KCNC2: variants seen among roughly 807,000 people sequenced by gnomAD.
The protein encoded by KCNC2 is voltage-gated potassium channel KCNC2.
Under a neutral mutation model 44.5 loss-of-function variants are expected in KCNC2, and 21 were observed. The ratio of observed to expected loss-of-function variants is 0.47; its 90% CI spans 0.33 to 0.68. KCNC2 has a LOEUF of 0.68. Ranked by LOEUF, KCNC2 falls within the 30% of genes least tolerant of loss-of-function variation. KCNC2 has a pLI of 0.01. For synonymous variants in KCNC2, 391 were observed against 339.1 expected (o/e 1.15, Z -1.68); for missense variants, 589 against 826.2 (o/e 0.71, Z 3.52).
chr12:75,087,376 A>G (rs762711063), intron 2 of KCNC2, among the ~76,000 whole-genome samples: 1 of 152,060 alleles, frequency 6.6e-6, no homozygotes, highest in East Asian at 1.9e-4. Flanking sequence ...GCTTTGATTT[A>G]TACATGCTTT....
At chr12:75,164,609 T>C (rs1226260953) in intron 2 of KCNC2, among the ~76,000 whole-genome samples, 1 of 151,702 alleles carries the variant, frequency 6.6e-6, no homozygotes, top group Admixed American at 6.6e-5. Flanking sequence ...GGTAGAATTC[T>C]GGTAACAAAC....
chr12:75,061,011 T>A (rs1163293263), intron 2 of KCNC2, among the ~76,000 whole-genome samples: 2 of 152,154 alleles, frequency 1.3e-5, no homozygotes, highest in East Asian at 3.9e-4. Flanking sequence ...CTGGTCAAAA[T>A]TAACCACTTC....
chr12:75,182,248 G>T (rs894889265), intron 2 of KCNC2, among the ~76,000 whole-genome samples: 1 of 151,572 alleles, frequency 6.6e-6, no homozygotes. Context: ...GACTATGGCC[G>T]GGGGTGGTGG....
intron 2 of KCNC2, among the ~76,000 whole-genome samples, chr12:75,056,894 AT>A (rs1301294001): frequency 6.6e-6 from 1 of 151,996 alleles, no homozygotes; most frequent in South Asian, 2.1e-4. Context: ...ATGTAATCTC[AT>A]TTTTTCTCAT....
At chr12:75,114,927 G>T (rs1243697939) in intron 2 of KCNC2, among the ~76,000 whole-genome samples, 24 of 135,136 alleles carry the variant, frequency 1.8e-4, no homozygotes, top group Non-Finnish European at 3.6e-4. Context: ...GCAGTGGCGC[G>T]ATCTCGGCTC....
intron 2 of KCNC2, among the ~76,000 whole-genome samples, chr12:75,060,233 A>G (rs1469998651): frequency 6.6e-6 from 1 of 151,992 alleles, no homozygotes; most frequent in Admixed American, 6.6e-5. Flanking sequence ...ACCTTCATCC[A>G]TTGAATCGCT....
At chr12:75,185,380 T>C (rs1161007289) in intron 2 of KCNC2, among the ~76,000 whole-genome samples, 4 of 152,180 alleles carry the variant, frequency 2.6e-5, no homozygotes, top group African/African-American at 9.7e-5. Flanking sequence ...TGCAATGGTA[T>C]TGGGAGGTGG....
At chr12:75,174,228 G>A (rs1593027083) in intron 2 of KCNC2, among the ~76,000 whole-genome samples, 1 of 150,292 alleles carries the variant, frequency 6.7e-6, no homozygotes, top group African/African-American at 2.5e-5. Flanking sequence ...CACAGTGATT[G>A]TAAAATATTT....
At chr12:75,053,963 C>A (rs12319734) in intron 2 of KCNC2, among the ~76,000 whole-genome samples, 1,980 of 151,720 alleles carry the variant, frequency 0.013, 47 homozygotes, top group African/African-American at 0.045. Flanking sequence ...TGACTCTCGC[C>A]TGTAATCCCA....
intron 4 of KCNC2, among the ~76,000 whole-genome samples, chr12:75,046,711 T>C (rs1187036638): frequency 6.6e-6 from 1 of 151,886 alleles, no homozygotes; most frequent in Non-Finnish European, 1.5e-5. Flanking sequence ...ACATATTTAA[T>C]GTAAAACAGT....
intron 2 of KCNC2, among the ~76,000 whole-genome samples, chr12:75,052,767 G>A (rs778325054): frequency 1.3e-5 from 2 of 152,054 alleles, no homozygotes; most frequent in East Asian, 1.9e-4. Context: ...AATGTAAAGG[G>A]TATACAAAAG....
chr12:75,109,440 G>C (rs969007779), intron 2 of KCNC2, among the ~76,000 whole-genome samples: 4 of 152,132 alleles, frequency 2.6e-5, no homozygotes, highest in Non-Finnish European at 5.9e-5. Context: ...CAAAGATCTT[G>C]AGTTAATTTA....
At chr12:75,180,435 C>T (rs182662221) in intron 2 of KCNC2, among the ~76,000 whole-genome samples, 40 of 151,852 alleles carry the variant, frequency 2.6e-4, no homozygotes, top group African/African-American at 9.4e-4. Flanking sequence ...TTGATATGCA[C>T]AATTTATTGT....
rs904983149 is a variant in KCNC2 at position 75,134,582 on chromosome 12, C to CA, written c.687+72714dup. Reference sequence around the variant, plus strand: ...ACCACTATCCTATCCACAGACCTACCAAAAAAAAAAAGAAGTTATTATTCT... The same window carrying CA: ...ACCACTATCCTATCCACAGACCTACCAAAAAAAAAAAAGAAGTTATTATTCT... On this transcript the variant is annotated intron_variant, in intron 2 of 4. Transcript: ENST00000549446. Among the ~76,000 whole-genome samples, 103 of 139,516 alleles carry CA rather than the reference C, an allele frequency of 7.4e-4. 1 individual carries two copies. The highest frequency in any genetic ancestry group is 7.1e-3 in the Middle Eastern group (2 of 282). The allele number at this position is 139,516 out of a possible 152,430, so 91.5% of individuals were successfully genotyped here. A position where few individuals can be genotyped will look rare whatever the true frequency, so the allele number is the denominator to read the frequency against.
chr12:75,151,405 C>T (rs1234805208), intron 2 of KCNC2, among the ~76,000 whole-genome samples: 5 of 151,988 alleles, frequency 3.3e-5, no homozygotes, highest in Non-Finnish European at 5.9e-5. Context: ...GGTTGGCCCA[C>T]TGCCAGTTGT....
chr12:75,183,166 A>T (rs1261251371), intron 2 of KCNC2, among the ~76,000 whole-genome samples: 2 of 152,238 alleles, frequency 1.3e-5, no homozygotes, highest in Non-Finnish European at 2.9e-5. Context: ...ATCATAGTGC[A>T]TTAATTGAAA....
chr12:75,157,171 T>C (rs1565899394), intron 2 of KCNC2, among the ~76,000 whole-genome samples: 1 of 151,924 alleles, frequency 6.6e-6, no homozygotes, highest in Non-Finnish European at 1.5e-5. Context: ...TGTAATTGCC[T>C]TAAAGTTGGG....
intron 2 of KCNC2, among the ~76,000 whole-genome samples, chr12:75,145,958 T>G (rs373063581): frequency 1.3e-4 from 16 of 121,314 alleles, no homozygotes; most frequent in South Asian, 2.4e-4. Flanking sequence ...TTACCAATTT[T>G]TTTTTTTTTT....
rs151145866 is a variant in KCNC2, at chr12:75,040,929, G to A, written c.*2176C>T. 4 of 581,174 alleles carry A rather than the reference G, an allele frequency of 6.9e-6. No individual in the cohort carries two copies. The East Asian group carries it at 1.1e-4, about 16-fold the overall frequency. The allele number at this position is 581,174 out of a possible 1,614,324, so 36.0% of individuals were successfully genotyped here. A position where few individuals can be genotyped will look rare whatever the true frequency, so the allele number is the denominator to read the frequency against. On this transcript the variant is annotated 3_prime_UTR_variant, in exon 5 of 5. Coordinates refer to ENST00000549446, the MANE Select transcript of KCNC2 (RefSeq NM_139137.4). ...TTGATGAGAAATGGCCAAGACTGTTGACCCATGCACACATGTTGGTATTTA... is the reference window on the plus strand; with the variant it reads ...TTGATGAGAAATGGCCAAGACTGTTAACCCATGCACACATGTTGGTATTTA...
Sources: gnomAD v4.1 joint callset for allele counts (sites outside exome capture counted in the v4.1 genomes callset) on GRCh38, gnomAD v4.1.1 for gene constraint, MANE v1.5 for transcripts, NCBI Gene and HGNC (gene_info 2026-07-23, HGNC 2026-07-21) for gene names.